BLTP3A: variants seen among roughly 807,000 people sequenced by gnomAD.
BLTP3A encodes the protein bridge-like lipid transfer protein family member 3A, also known as ICBP90 binding protein 1.
the BLTP3A span, chr6:34,823,170 C>T: frequency 1.8e-6 from 2 of 1,129,386 alleles, no homozygotes; most frequent in African/African-American, 3.0e-5. Flanking sequence ...GGCTCTGGAG[C>T]ACGGAGATGA....
chr6:34,836,346 CAG>C, the BLTP3A span: 1 of 1,613,678 alleles, frequency 6.2e-7, no homozygotes, highest in Non-Finnish European at 8.5e-7. Context: ...TCCCGAGAGC[CAG>C]GTACCCCATG....
At chr6:34,831,712 A>G in the BLTP3A span, among the ~76,000 whole-genome samples, 1 of 152,170 alleles carries the variant, frequency 6.6e-6, no homozygotes, top group Non-Finnish European at 1.5e-5. Context: ...CTGCAAACTG[A>G]CCATGCACCA....
the BLTP3A span, among the ~76,000 whole-genome samples, chr6:34,822,307 G>A: frequency 6.7e-6 from 1 of 148,832 alleles, no homozygotes; most frequent in East Asian, 2.0e-4. Context: ...AGGCTGGAGT[G>A]CCATGGCTCA....
chr6:34,852,607 A>G, the BLTP3A span, among the ~76,000 whole-genome samples: 1 of 135,968 alleles, frequency 7.4e-6, no homozygotes, highest in Non-Finnish European at 1.5e-5. Context: ...AGTCTCTCCC[A>G]GAGCTGCAAA....
chr6:34,861,406 G>A, the BLTP3A span, among the ~76,000 whole-genome samples: 1 of 152,182 alleles, frequency 6.6e-6, no homozygotes, highest in Non-Finnish European at 1.5e-5. Context: ...GATTACAGGT[G>A]TGAGCCACTG....
the BLTP3A span, among the ~76,000 whole-genome samples, chr6:34,801,772 A>G: frequency 6.6e-6 from 1 of 151,892 alleles, no homozygotes; most frequent in African/African-American, 2.4e-5. Context: ...CCCAGGCTGG[A>G]GTGCAGTGGC....
chr6:34,826,723 T>C, the BLTP3A span, among the ~76,000 whole-genome samples: 7 of 152,286 alleles, frequency 4.6e-5, no homozygotes, highest in South Asian at 1.4e-3. Context: ...GTCATTATTC[T>C]TCTTGATGTT....
chr6:34,870,401 A>G, the BLTP3A span, among the ~76,000 whole-genome samples: 1 of 152,152 alleles, frequency 6.6e-6, no homozygotes, highest in African/African-American at 2.4e-5. Context: ...GCTACACCTG[A>G]GAGTGTTCTG....
the BLTP3A span, among the ~76,000 whole-genome samples, chr6:34,830,066 G>A: frequency 1.1e-4 from 17 of 151,950 alleles, no homozygotes; most frequent in Non-Finnish European, 2.4e-4. Context: ...GCCTGCCTCA[G>A]CCTCCCAAAG....
chr6:34,806,717 A>T, the BLTP3A span, among the ~76,000 whole-genome samples: 1 of 152,152 alleles, frequency 6.6e-6, no homozygotes, highest in Non-Finnish European at 1.5e-5. Flanking sequence ...GCTGGAGTGC[A>T]GTGGCGCAAT....
At chr6:34,872,033 T>C in the BLTP3A span, 1 of 1,118,796 alleles carries the variant, frequency 8.9e-7, no homozygotes, top group Non-Finnish European at 1.3e-6. Flanking sequence ...GCTGCCTGCA[T>C]GTGGGTGTTT....
chr6:34,811,903 A>G, the BLTP3A span, among the ~76,000 whole-genome samples: 5 of 151,866 alleles, frequency 3.3e-5, no homozygotes, highest in African/African-American at 1.2e-4. Context: ...AGTGGAGTGC[A>G]CCTGTAGTCC....
the BLTP3A span, among the ~76,000 whole-genome samples, chr6:34,849,618 G>C: frequency 6.6e-6 from 1 of 151,978 alleles, no homozygotes; most frequent in African/African-American, 2.4e-5. Context: ...ATAATCACAG[G>C]GTTATAATAT....
At chr6:34,833,008 A>T in the BLTP3A span, among the ~76,000 whole-genome samples, 2 of 151,912 alleles carry the variant, frequency 1.3e-5, no homozygotes, top group Admixed American at 6.6e-5. Context: ...ATCTAGAGGG[A>T]CTTTGTTTCC....
chr6:34,834,987 G>A, the BLTP3A span: 1 of 1,229,492 alleles, frequency 8.1e-7, no homozygotes, highest in African/African-American at 1.5e-5. Context: ...GGGAAGGCCT[G>A]TAAATCAGTG....
the BLTP3A span, among the ~76,000 whole-genome samples, chr6:34,812,075 T>C: frequency 1.3e-5 from 2 of 151,780 alleles, no homozygotes; most frequent in Non-Finnish European, 2.9e-5. Flanking sequence ...ATGCCTGTAA[T>C]TCCAGCACTT....
the BLTP3A span, chr6:34,823,248 C>T: frequency 6.2e-7 from 1 of 1,611,940 alleles, no homozygotes; most frequent in Non-Finnish European, 8.5e-7. Flanking sequence ...TCCTTGACTT[C>T]TATTTCAGTG....
At chr6:34,869,126 T>C in the BLTP3A span, among the ~76,000 whole-genome samples, 1 of 151,976 alleles carries the variant, frequency 6.6e-6, no homozygotes, top group Admixed American at 6.6e-5. Context: ...CTCATCCTCC[T>C]GAGTAGCTGG....
At chr6:34,831,187 G>A in the BLTP3A span, among the ~76,000 whole-genome samples, 33 of 151,282 alleles carry the variant, frequency 2.2e-4, no homozygotes, top group African/African-American at 7.8e-4. Context: ...GAGTGCAATG[G>A]CGCAGTCTCA....
Sources: allele counts gnomAD v4.1 joint callset (sites outside exome capture counted in the v4.1 genomes callset), GRCh38; gene constraint gnomAD v4.1.1; transcripts MANE v1.5; gene names NCBI Gene and HGNC (gene_info 2026-07-23, HGNC 2026-07-21).